Variants in KIAA0513 observed in about 807,000 individuals in gnomAD.
KIAA0513 encodes KIAA0513.
In KIAA0513, 39 loss-of-function variants were observed where a neutral mutation model predicts 56.5. That is an observed-to-expected ratio of 0.69 (90% CI 0.53 to 0.90). The LOEUF (loss-of-function observed/expected upper bound fraction) is 0.90, where lower values mean the gene tolerates loss of function less well. Among genes scored for constraint, KIAA0513 ranks in the 40% least tolerant of loss-of-function variants. KIAA0513 has a pLI of 0.00. For missense variants in KIAA0513, 591 were observed against 535.2 expected (o/e 1.10, Z -1.03); for synonymous variants, 268 against 215.6 (o/e 1.24, Z -2.13).
chr16:85,081,394 T>C lies in KIAA0513; in HGVS notation c.980+2T>C, dbSNP rs375816044. ...GACAAAGCGATCTCCCACTACCAGG[T>C]AGGAGCAAAGTGTGGCCCCATTTGG... On this transcript the variant is annotated splice_donor_variant, in intron 9 of 12. Transcript: ENST00000683363. LOFTEE classifies it high-confidence loss of function. This position sits in a 1 kb window ranked among gnomAD's most constrained non-coding sequence, Gnocchi z 4.4. The C allele has an allele frequency of 3.6e-5, 56 of 1,560,242 alleles. No individual in the cohort carries two copies. The highest frequency in any genetic ancestry group is 4.6e-5 in the Non-Finnish European group (53 of 1,151,608).
chr16:85,048,026 A>T (rs1381071218), intron 1 of KIAA0513, among the ~76,000 whole-genome samples: 1 of 152,180 alleles, frequency 6.6e-6, no homozygotes, highest in African/African-American at 2.4e-5. Flanking sequence ...GGAAACCAGA[A>T]CCATAAGGAA....
intron 1 of KIAA0513, among the ~76,000 whole-genome samples, chr16:85,043,815 C>T (rs956369720): frequency 2.6e-5 from 4 of 152,252 alleles, no homozygotes; most frequent in African/African-American, 9.6e-5. Flanking sequence ...GGCGGATCAC[C>T]TGAGGTCGGG....
intron 1 of KIAA0513, among the ~76,000 whole-genome samples, chr16:85,036,653 G>A (rs1218964149): frequency 6.6e-6 from 1 of 152,170 alleles, no homozygotes; most frequent in Non-Finnish European, 1.5e-5. Context: ...GTGTGCTTAT[G>A]TGTTACGCCA....
chr16:85,077,338 C>G, intron 5 of KIAA0513, 87 bp from the exon 6 acceptor site: 1 of 1,278,714 alleles, frequency 7.8e-7, no homozygotes, highest in African/African-American at 1.5e-5. Context: ...TGCACAGGAC[C>G]CCTGCGGGGC....
chr16:85,059,497 G>T (rs1050770755), intron 1 of KIAA0513, among the ~76,000 whole-genome samples: 25 of 152,322 alleles, frequency 1.6e-4, no homozygotes, highest in African/African-American at 6.0e-4. Context: ...AAAAGAGTGG[G>T]GTGCCCGAGT....
At chr16:85,079,242 T>G in intron 8 of KIAA0513, 3 of 790,644 alleles carry the variant, frequency 3.8e-6, no homozygotes, top group Non-Finnish European at 5.6e-6. Flanking sequence ...AGTCTGGCAG[T>G]TCCTTTAAAG....
intron 1 of KIAA0513, among the ~76,000 whole-genome samples, chr16:85,049,026 T>A: frequency 6.6e-6 from 1 of 152,218 alleles, no homozygotes; most frequent in East Asian, 1.9e-4. Context: ...AAGTTCTTTC[T>A]TGAAGACACC....
Position 85,076,618 on chromosome 16 carries a change from T to C in KIAA0513, c.574+704T>C, listed in dbSNP as rs185104135. Reference sequence around the variant, plus strand: ...TCTCTCGGGACCCGCGTGCTCACTCTTGGGGTGTATGTATCCCCTCCCCCT... The same window carrying C: ...TCTCTCGGGACCCGCGTGCTCACTCCTGGGGTGTATGTATCCCCTCCCCCT... On this transcript the variant is annotated intron_variant, in intron 5 of 12. Coordinates refer to ENST00000683363, the MANE Select transcript of KIAA0513 (RefSeq NM_001388359.1). This position sits in a 1 kb window ranked among gnomAD's most constrained non-coding sequence, Gnocchi z 4.7. 6.6e-6 allele frequency among the ~76,000 whole-genome samples: 1 copy of C among 152,102 alleles called. No individual in the cohort carries two copies. Among genetic ancestry groups the C allele is most frequent in the Non-Finnish European group, 1.5e-5 (1 of 68,012 alleles).
At chr16:85,077,250 C>T (rs891348004) in intron 5 of KIAA0513, among the ~76,000 whole-genome samples, 175 bp from the exon 6 acceptor site, 1 of 152,166 alleles carries the variant, frequency 6.6e-6, no homozygotes, top group Non-Finnish European at 1.5e-5. Flanking sequence ...AGCAGGGCCC[C>T]CACTTCCTCA....
intron 1 of KIAA0513, among the ~76,000 whole-genome samples, chr16:85,029,812 C>T (rs919431460): frequency 1.3e-5 from 2 of 152,194 alleles, no homozygotes; most frequent in African/African-American, 4.8e-5. Flanking sequence ...TAATACTTCC[C>T]AAGGGTTTTC....
rs1265869592 is a variant in KIAA0513 at position 85,081,154 on chromosome 16, G to C, written c.903-161G>C. 6.6e-6 allele frequency among the ~76,000 whole-genome samples: 1 copy of C among 152,200 alleles called. No individual in the cohort carries two copies. Among genetic ancestry groups the C allele is most frequent in the African/African-American group, 2.4e-5 (1 of 41,454 alleles). The stretch of plus-strand genomic sequence containing the variant: ...AGGGAAACAGCTGTAATTAGATCAA[G>C]CCATATGCTCAGTTTTTCCTTCTCA... On this transcript the variant is annotated intron_variant, in intron 8 of 12. Coordinates refer to ENST00000683363, the MANE Select transcript of KIAA0513 (RefSeq NM_001388359.1). The surrounding 1 kb of genome is among the most constrained non-coding windows in gnomAD (Gnocchi z 4.4).
rs1418357706 is a variant in KIAA0513 at position 85,027,797 on chromosome 16, A to C, written c.-234A>C. On this transcript the variant is annotated 5_prime_UTR_variant, in exon 1 of 13. Transcript: ENST00000683363. ...GGACCCGGCTGCTCGCGGGCGGCGC[A>C]GTCGCCGCAGCAGCCGAGTCTGACG... The C allele has an allele frequency of 6.6e-6, 1 of 152,066 alleles. No homozygotes were observed. The highest frequency in any genetic ancestry group is 1.5e-5 in the Non-Finnish European group (1 of 67,986). The allele number at this position is 152,066 out of a possible 1,614,324, so 9.4% of individuals were successfully genotyped here.
chr16:85,086,614 C>T, intron 10 of KIAA0513, 30 bp from the exon 11 acceptor site: 1 of 1,604,196 alleles, frequency 6.2e-7, no homozygotes, highest in Non-Finnish European at 8.5e-7. Flanking sequence ...ACCATCTGAG[C>T]CCCGCTTCTG....
Position 85,087,065 on chromosome 16 carries a change from C to T in KIAA0513, c.1092-7C>T, listed in dbSNP as rs2073817778. The stretch of plus-strand genomic sequence containing the variant: ...AGCGGGTGACGCTCTTGGGGTTTCT[C>T]CTGCAGCACATTCACGCACAACATG... On this transcript the variant is annotated splice_region_variant and splice_polypyrimidine_tract_variant and intron_variant, in intron 11 of 12. Coordinates refer to ENST00000683363, the MANE Select transcript of KIAA0513 (RefSeq NM_001388359.1). 3 of 1,613,888 alleles carry T rather than the reference C, an allele frequency of 1.9e-6. No individual in the cohort carries two copies. The highest frequency in any genetic ancestry group is 1.7e-5 in the Admixed American group (1 of 59,996).
In KIAA0513 at chr16:85,081,634, C is replaced by G. The variant is rs991815639; in HGVS notation, c.980+242C>G. Among the ~76,000 whole-genome samples, 1 of 152,152 alleles carries G rather than the reference C, an allele frequency of 6.6e-6. No homozygotes were observed. Among genetic ancestry groups the G allele is most frequent in the African/African-American group, 2.4e-5 (1 of 41,434 alleles). On this transcript the variant is annotated intron_variant, in intron 9 of 12. Transcript: ENST00000683363. This position sits in a 1 kb window ranked among gnomAD's most constrained non-coding sequence, Gnocchi z 4.4. ...CTCTGGCATGACTTGGCCTGACCCT[C>G]CTAAAAATGCAAACTCCCACTAAGA...
chr16:85,039,548 C>T (rs1486383161), intron 1 of KIAA0513, among the ~76,000 whole-genome samples: 4 of 152,228 alleles, frequency 2.6e-5, no homozygotes, highest in Admixed American at 1.3e-4. Flanking sequence ...AAGCGATACT[C>T]CCACCTCAGC....
rs777622436 is a variant in KIAA0513 at position 85,072,890 on chromosome 16, G to T, written c.430-35G>T. ...CACTGAGTGCTGCGTGTGTCGCCCTGAACCTCAATGATGTGTCTGCCTCTT... is the reference window on the plus strand; with the variant it reads ...CACTGAGTGCTGCGTGTGTCGCCCTTAACCTCAATGATGTGTCTGCCTCTT... On this transcript the variant is annotated intron_variant, in intron 3 of 12. Transcript: ENST00000683363. 3.1e-6 allele frequency: 5 copies of T among 1,607,672 alleles called. No homozygotes were observed. In the South Asian group the frequency reaches 5.5e-5, roughly 18 times the overall value.
intron 7 of KIAA0513, among the ~76,000 whole-genome samples, chr16:85,078,670 A>T (rs963100579): frequency 1.3e-5 from 2 of 152,236 alleles, no homozygotes; most frequent in Non-Finnish European, 2.9e-5. Context: ...TAAATTCCTT[A>T]TCCCAGGAAG....
intron 1 of KIAA0513, among the ~76,000 whole-genome samples, chr16:85,037,204 T>C (rs1247194110): frequency 6.6e-6 from 1 of 152,056 alleles, no homozygotes; most frequent in Non-Finnish European, 1.5e-5. Context: ...TCCTGGCCTT[T>C]ACATCACAGC....
Sources: gnomAD v4.1 joint callset for allele counts (sites outside exome capture counted in the v4.1 genomes callset) on GRCh38, gnomAD v4.1.1 for gene constraint, Gnocchi (gnomAD v3.1) non-coding constraint, MANE v1.5 for transcripts, NCBI Gene and HGNC (gene_info 2026-07-23, HGNC 2026-07-21) for gene names.